Variants in CRBN observed in about 807,000 individuals in gnomAD.
CRBN encodes the protein protein cereblon.
Under a neutral mutation model 62.2 loss-of-function variants are expected in CRBN, and 53 were observed. The observed-to-expected ratio is 0.85, with a 90% CI of 0.68 to 1.07. The LOEUF is 1.07. Ranked by LOEUF, CRBN falls within the 50% of genes least tolerant of loss-of-function variation. The pLI, the probability that CRBN is intolerant of heterozygous loss-of-function variation, is 0.00. For missense variants in CRBN, 616 were observed against 531.1 expected (o/e 1.16, Z -1.57); for synonymous variants, 208 against 176.1 (o/e 1.18, Z -1.43).
chr3:3,164,967 T>C (rs147500830), intron 5 of CRBN, among the ~76,000 whole-genome samples: 1,693 of 152,284 alleles, frequency 0.011, 31 homozygotes, highest in Middle Eastern at 0.027. Context: ...TAATCATGAT[T>C]CATGGGAGGT....
chr3:3,174,152 T>C lies in CRBN; in HGVS notation c.284A>G (p.Gln95Arg). The C allele has an allele frequency of 6.2e-7, 1 of 1,614,208 alleles. No individual in the cohort carries two copies. Among genetic ancestry groups the C allele is most frequent in the South Asian group, 1.1e-5 (1 of 91,090 alleles). Residue 95 changes from glutamine to arginine, a missense_variant, in exon 3 of 11, where the codon CAG becomes CGG. Physicochemically the swap from Gln to Arg is conservative, Grantham distance 43. Transcript: ENST00000231948. Reference protein sequence around the residue: ...PQVMMILIPGQTLPLQLFHPQ... With the variant: ...PQVMMILIPGRTLPLQLFHPQ... ...GTGAAAAAGCTGAAGAGGTAATGTC[T>C]GTCCGGGAATCAGGATCATCATCAC...
intron 4 of CRBN, among the ~76,000 whole-genome samples, chr3:3,170,274 C>T (rs1432158472): frequency 6.6e-6 from 1 of 152,114 alleles, no homozygotes; most frequent in Admixed American, 6.5e-5. Flanking sequence ...AGTCACCACA[C>T]CTGGCCTCTG....
rs759876097 is a variant in CRBN, at chr3:3,154,793, T to C, written c.789A>G (p.Glu263=). ...LMDRIKKQLR[E]WDENLKDDSL... is the part of the protein sequence containing the mutation. ...AATCATCTTTTAGATTTTCATCCCATTCACGTAGCTGTTTCTTGATTCTGT... is the reference window on the plus strand; with the variant it reads ...AATCATCTTTTAGATTTTCATCCCACTCACGTAGCTGTTTCTTGATTCTGT... The change falls in exon 7 of 11, where the codon GAA becomes GAG. Residue 263 remains glutamate, a synonymous_variant. Coordinates refer to ENST00000231948, the MANE Select transcript of CRBN (RefSeq NM_016302.4). The C allele has an allele frequency of 2.5e-6, 4 of 1,607,646 alleles. No individual in the cohort carries two copies. Among genetic ancestry groups the C allele is most frequent in the African/African-American group, 1.3e-5 (1 of 74,824 alleles).
chr3:3,172,668 C>T, intron 4 of CRBN, 108 bp downstream of exon 4: 2 of 1,137,622 alleles, frequency 1.8e-6, no homozygotes, highest in Non-Finnish European at 2.7e-6. Flanking sequence ...AAGAGAACAA[C>T]TAGTTAAAAG....
chr3:3,156,346 G>A, intron 5 of CRBN, 65 bp from the exon 6 acceptor site: 2 of 1,397,670 alleles, frequency 1.4e-6, no homozygotes, highest in Non-Finnish European at 2.0e-6. Flanking sequence ...GCTGGAATGA[G>A]CAACATCTGA....
rs143321582 is a variant in CRBN, at chr3:3,171,175, T to C, written c.527+1601A>G. Among the ~76,000 whole-genome samples, 248 of 152,350 alleles carry C rather than the reference T, an allele frequency of 1.6e-3. 2 individuals are homozygous for C. Among genetic ancestry groups the C allele is most frequent in the African/African-American group, 5.6e-3 (234 of 41,584 alleles). On this transcript the variant is annotated intron_variant, in intron 4 of 10. Transcript: ENST00000231948. ...TTTCAGAGTTAACGGTATACTGCCA[T>C]CTTGTGTTCAATAGTTTTTCCACAA... is the stretch of plus-strand genomic sequence containing the variant.
intron 5 of CRBN, among the ~76,000 whole-genome samples, chr3:3,160,186 G>A (rs998817156): frequency 7.2e-5 from 11 of 152,144 alleles, no homozygotes; most frequent in African/African-American, 2.7e-4. Flanking sequence ...AACGTAGAAT[G>A]TTCAAAACAT....
chr3:3,150,652 G>T lies in CRBN; in HGVS notation c.*213C>A. The T allele has an allele frequency of 2.0e-6, 1 of 496,130 alleles. No homozygotes were observed. The highest frequency in any genetic ancestry group is 3.3e-5 in the Admixed American group (1 of 30,008). 30.7% of individuals were successfully genotyped at this position (496,130 alleles called of 1,614,324 possible). ...CAAGCTACCCAAGTAGATGTTTCTG[G>T]TATTCTAGACTGCCGTTCATGCTTG... On this transcript the variant is annotated 3_prime_UTR_variant, in exon 11 of 11. Transcript: ENST00000231948.
At chr3:3,168,795 C>T (rs562793074) in intron 4 of CRBN, among the ~76,000 whole-genome samples, 20 of 152,214 alleles carry the variant, frequency 1.3e-4, no homozygotes, top group African/African-American at 4.8e-4. Flanking sequence ...ATAGTAGACT[C>T]ACTCTACTAA....
chr3:3,169,936 C>A (rs711614), intron 4 of CRBN, among the ~76,000 whole-genome samples: 2 of 151,464 alleles, frequency 1.3e-5, no homozygotes, highest in Admixed American at 6.6e-5. Flanking sequence ...GCCCACCCCC[C>A]CTCCGCCCTC....
At position 3,164,867 on chromosome 3, in the gene CRBN, T is replaced by G. The variant is rs544369942; in HGVS notation, c.687+2767A>C. The stretch of plus-strand genomic sequence containing the variant: ...AAATACATTTTTCATAGGCTATAGC[T>G]GCCACAGATAGTGATTCCTCTGATG... On this transcript the variant is annotated intron_variant, in intron 5 of 10. Transcript: ENST00000231948. Among the ~76,000 whole-genome samples, 80 of 152,316 alleles carry G rather than the reference T, an allele frequency of 5.3e-4. No homozygotes were observed. The Middle Eastern group carries it at 0.01, about 19-fold the overall frequency.
At chr3:3,176,804 T>C (rs1707839670) in intron 1 of CRBN, among the ~76,000 whole-genome samples, 1 of 152,222 alleles carries the variant, frequency 6.6e-6, no homozygotes, top group South Asian at 2.1e-4. Context: ...AATTTAAAAA[T>C]AAAGTTTGCA....
Position 3,178,321 on chromosome 3 carries a change from G to A in CRBN, c.67+1300C>T, listed in dbSNP as rs575892709. ...ACAGAAAAGTTCTCTCCTATATGGT[G>A]GGCACGCACTCAGTCTCTTCCTCTT... On this transcript the variant is annotated intron_variant, in intron 1 of 10. Coordinates refer to ENST00000231948, the MANE Select transcript of CRBN (RefSeq NM_016302.4). Among the ~76,000 whole-genome samples, 8 of 152,316 alleles carry A rather than the reference G, an allele frequency of 5.3e-5. 1 individual carries two copies. Among genetic ancestry groups the A allele is most frequent in the African/African-American group, 1.9e-4 (8 of 41,570 alleles).
At chr3:3,151,481 C>A (rs988261632) in intron 10 of CRBN, among the ~76,000 whole-genome samples, 3 of 123,814 alleles carry the variant, frequency 2.4e-5, no homozygotes, top group Non-Finnish European at 5.4e-5. Context: ...AGGAAGGACA[C>A]GTCTCAAAAA....
intron 4 of CRBN, among the ~76,000 whole-genome samples, chr3:3,171,139 C>G (rs1707594226): frequency 1.3e-5 from 2 of 152,116 alleles, no homozygotes; most frequent in African/African-American, 4.8e-5. Context: ...AAAATCCATT[C>G]CTTGTCTTGT....
At chr3:3,168,525 A>C (rs917733487) in intron 4 of CRBN, among the ~76,000 whole-genome samples, 1 of 152,194 alleles carries the variant, frequency 6.6e-6, no homozygotes. Context: ...GAGGCATTCT[A>C]TCTCTTAGAG....
chr3:3,151,924 A>G (rs975399966), intron 10 of CRBN, among the ~76,000 whole-genome samples: 1 of 152,224 alleles, frequency 6.6e-6, no homozygotes, highest in Admixed American at 6.5e-5. Flanking sequence ...CCGGTTTTAC[A>G]TTACTACAGA....
chr3:3,152,027 G>A (rs904892840), intron 10 of CRBN, among the ~76,000 whole-genome samples: 11 of 152,054 alleles, frequency 7.2e-5, no homozygotes, highest in African/African-American at 2.7e-4. Context: ...GGATTTAACT[G>A]GATACAGTAA....
At chr3:3,154,556 G>A (rs1706796148) in intron 7 of CRBN, 191 bp downstream of exon 7, 1 of 581,196 alleles carries the variant, frequency 1.7e-6, no homozygotes, top group Admixed American at 3.1e-5. Flanking sequence ...CACAGAATAT[G>A]AGGATTTTAT....
Sources: allele counts gnomAD v4.1 joint callset (sites outside exome capture counted in the v4.1 genomes callset), GRCh38; gene constraint gnomAD v4.1.1; transcripts MANE v1.5; gene names NCBI Gene and HGNC (gene_info 2026-07-23, HGNC 2026-07-21).